The following PCDHGA5 variants were observed in gnomAD, a reference collection of about 807,000 sequenced individuals.
PCDHGA5 encodes protocadherin gamma subfamily A, 5.
In PCDHGA5, 36 loss-of-function variants were observed where a neutral mutation model predicts 56.7. The observed-to-expected ratio is 0.64, with a 90% CI of 0.49 to 0.84. The LOEUF is 0.84. PCDHGA5 is among the 40% of genes least tolerant of loss of function. PCDHGA5 has a pLI of 0.00. For synonymous variants in PCDHGA5, 563 were observed against 520.2 expected, an observed-to-expected ratio of 1.08 and a Z score of -1.12; for missense variants, 1,305 against 1,201.5, an observed-to-expected ratio of 1.09 and a Z score of -1.27.
In PCDHGA5 at chr5:141,477,967, C is replaced by T. The variant is rs756216038; in HGVS notation, c.2422-16840C>T. Reference sequence around the variant, plus strand: ...GTCTCTTGGGATCCCCTAACCAGAGCCTTTTTGCCATAGGGCTGCACACTG... The same window carrying T: ...GTCTCTTGGGATCCCCTAACCAGAGTCTTTTTGCCATAGGGCTGCACACTG... On this transcript the variant is annotated intron_variant, in intron 1 of 3. Coordinates refer to ENST00000518069, the MANE Select transcript of PCDHGA5 (RefSeq NM_018918.3). This position sits in a 1 kb window ranked among gnomAD's most constrained non-coding sequence, Gnocchi z 4.9. The T allele has an allele frequency of 8.7e-6, 14 of 1,614,032 alleles. No individual in the cohort carries two copies. In the South Asian group the frequency reaches 1.2e-4, roughly 14 times the overall value.
Position 141,511,212 on chromosome 5 carries a change from C to T in PCDHGA5, c.*39C>T. ...CCAAGAGCCACAGGGCGGCCTCTCC[C>T]CAACCAGCCCAGCTTCTCCTTACCT... is the stretch of plus-strand genomic sequence containing the variant. On this transcript the variant is annotated 3_prime_UTR_variant, in exon 4 of 4. Coordinates refer to ENST00000518069, the MANE Select transcript of PCDHGA5 (RefSeq NM_018918.3). 6.2e-7 allele frequency: 1 copy of T among 1,608,656 alleles called. No individual in the cohort carries two copies. Among genetic ancestry groups the T allele is most frequent in the Non-Finnish European group, 8.5e-7 (1 of 1,177,502 alleles).
intron 1 of PCDHGA5, among the ~76,000 whole-genome samples, chr5:141,448,007 AC>A (rs1430481139): frequency 1.3e-5 from 2 of 151,784 alleles, no homozygotes; most frequent in Non-Finnish European, 2.9e-5. Context: ...AATCGCTTGA[AC>A]CCAGGAGGTG....
intron 1 of PCDHGA5, among the ~76,000 whole-genome samples, chr5:141,426,066 A>T (rs1488003387): frequency 6.6e-6 from 1 of 152,196 alleles, no homozygotes; most frequent in Admixed American, 6.5e-5. Context: ...CAAGAACTGG[A>T]GCCTGGGATC....
At chr5:141,423,982 T>C in intron 1 of PCDHGA5, 3 of 1,106,134 alleles carry the variant, frequency 2.7e-6, no homozygotes, top group Non-Finnish European at 3.4e-6. Flanking sequence ...TGTATGAGGC[T>C]CTCAATTTAT....
intron 1 of PCDHGA5, among the ~76,000 whole-genome samples, chr5:141,373,541 T>A (rs1769670522): frequency 6.6e-6 from 1 of 152,216 alleles, no homozygotes. Context: ...TGTTTGTGGT[T>A]GTTGGTACCC....
Position 141,366,644 on chromosome 5 carries a change from C to A in PCDHGA5, c.2314C>A (p.Gln772Lys). 1.9e-6 allele frequency: 3 copies of A among 1,614,268 alleles called. No homozygotes were observed. The highest frequency in any genetic ancestry group is 2.5e-6 in the Non-Finnish European group (3 of 1,180,046). The change falls in exon 1 of 4, where the codon CAG becomes AAG. Residue 772 changes from glutamine to lysine, a missense_variant. By Grantham distance (53) the Gln-to-Lys change is moderately conservative (BLOSUM62 1). Coordinates refer to ENST00000518069, the MANE Select transcript of PCDHGA5 (RefSeq NM_018918.3). ...GAGGAAGAGTCACCTGATCTTTCCCCAGCCCAACTACGCAGACACGCTCCT... is the reference window on the plus strand; with the variant it reads ...GAGGAAGAGTCACCTGATCTTTCCCAAGCCCAACTACGCAGACACGCTCCT... Reference protein sequence around the residue: ...DSRKSHLIFPQPNYADTLLSE... With the variant: ...DSRKSHLIFPKPNYADTLLSE...
chr5:141,468,860 C>A (rs941902317), intron 1 of PCDHGA5, among the ~76,000 whole-genome samples: 16 of 151,980 alleles, frequency 1.1e-4, no homozygotes, highest in Admixed American at 4.6e-4. Context: ...AGCGAGACTC[C>A]ATCTCAAAAA....
At chr5:141,400,441 G>T (rs757449650) in intron 1 of PCDHGA5, 29 of 1,613,966 alleles carry the variant, frequency 1.8e-5, no homozygotes, top group Non-Finnish European at 2.1e-5. Flanking sequence ...ATTGAGTTCA[G>T]GACAAGACAT....
chr5:141,423,517 T>A (rs750915364), intron 1 of PCDHGA5: 1 of 1,613,834 alleles, frequency 6.2e-7, no homozygotes, highest in Admixed American at 1.7e-5. Context: ...CATTGCGGAC[T>A]CGCAGAAGAG....
At chr5:141,440,822 A>T (rs1561900737) in intron 1 of PCDHGA5, 2 of 152,058 alleles carry the variant, frequency 1.3e-5, no homozygotes, top group Non-Finnish European at 2.9e-5. Context: ...TCAACTCCTG[A>T]TCCTATTGGT....
chr5:141,431,921 G>C lies in PCDHGA5; in HGVS notation c.2422-62886G>C, dbSNP rs775520324. ...CGGACAGGTGATCTGTTTCATCCAA[G>C]GAAATCTGCCCTTTAAATTAGAAAA... On this transcript the variant is annotated intron_variant, in intron 1 of 3. Transcript: ENST00000518069. This position sits in a 1 kb window ranked among gnomAD's most constrained non-coding sequence, Gnocchi z 4.8. 8.7e-6 allele frequency: 14 copies of C among 1,614,024 alleles called. No individual in the cohort carries two copies. Among genetic ancestry groups the C allele is most frequent in the Non-Finnish European group, 1.2e-5 (14 of 1,179,998 alleles).
rs145718404 is a variant in PCDHGA5 at position 141,404,928 on chromosome 5, C to T, written c.2421+38177C>T. On this transcript the variant is annotated intron_variant, in intron 1 of 3. Transcript: ENST00000518069. ...CAGCCCCCTCTCTCGGCCACTGTCA[C>T]GCTCACAGTAGCCATAGCTGACAGC... The T allele has an allele frequency of 1.6e-4, 263 of 1,613,866 alleles. 1 individual carries two copies. In the African/African-American group the frequency reaches 2.2e-3, roughly 13 times the overall value.
At position 141,384,979 on chromosome 5, in the gene PCDHGA5, G is replaced by C. The variant is rs758247749; in HGVS notation, c.2421+18228G>C. 1.4e-4 allele frequency: 229 copies of C among 1,614,146 alleles called. 1 individual carries two copies. The highest frequency in any genetic ancestry group is 1.5e-5 in the Non-Finnish European group (18 of 1,180,036). On this transcript the variant is annotated intron_variant, in intron 1 of 3. Coordinates refer to ENST00000518069, the MANE Select transcript of PCDHGA5 (RefSeq NM_018918.3). ...CAACTATGACCTCACGTTGTACCTG[G>C]TGGTGGCGGTGGCCACAGTCTCCTG...
At chr5:141,448,999 GT>G (rs910018882) in intron 1 of PCDHGA5, among the ~76,000 whole-genome samples, 2 of 151,816 alleles carry the variant, frequency 1.3e-5, no homozygotes, top group African/African-American at 4.8e-5. Context: ...ATAGAAAGCT[GT>G]TTTTTTTAAC....
In PCDHGA5 at chr5:141,485,961, A is replaced by C. The variant is rs766687554; in HGVS notation, c.2422-8846A>C. ...GCACCAGCGGGCATGGTGCTCATCC[A>C]GCTCAATGCCTCAGACCCGGACCTG... On this transcript the variant is annotated intron_variant, in intron 1 of 3. Coordinates refer to ENST00000518069, the MANE Select transcript of PCDHGA5 (RefSeq NM_018918.3). The surrounding 1 kb of genome is among the most constrained non-coding windows in gnomAD (Gnocchi z 5.7). 6.2e-7 allele frequency: 1 copy of C among 1,614,204 alleles called. No homozygotes were observed. The highest frequency in any genetic ancestry group is 1.1e-5 in the South Asian group (1 of 91,090).
intron 1 of PCDHGA5, chr5:141,415,551 C>A (rs745641887): frequency 5.6e-6 from 9 of 1,614,014 alleles, no homozygotes; most frequent in Non-Finnish European, 7.6e-6. Context: ...GTGAGAAAAA[C>A]GATCCTTTGT....
chr5:141,461,303 G>T (rs1390421489), intron 1 of PCDHGA5, among the ~76,000 whole-genome samples: 2 of 152,074 alleles, frequency 1.3e-5, no homozygotes, highest in Non-Finnish European at 2.9e-5. Flanking sequence ...AACATCTATT[G>T]TTTTTTGACT....
Position 141,422,887 on chromosome 5 carries a change from C to G in PCDHGA5, c.2421+56136C>G, listed in dbSNP as rs2154549815. ...CAACGTGTCGCTGAGCCTGTTCGTG[C>G]TGGACCAGAACGACAATGCGCCCGA... On this transcript the variant is annotated intron_variant, in intron 1 of 3. Coordinates refer to ENST00000518069, the MANE Select transcript of PCDHGA5 (RefSeq NM_018918.3). The G allele has an allele frequency of 2.5e-6, 4 of 1,614,264 alleles. No homozygotes were observed. In the Middle Eastern group the frequency reaches 4.9e-4, roughly 200 times the overall value.
At chr5:141,473,236 A>G (rs1314160781) in intron 1 of PCDHGA5, among the ~76,000 whole-genome samples, 1 of 152,200 alleles carries the variant, frequency 6.6e-6, no homozygotes, top group Non-Finnish European at 1.5e-5. Flanking sequence ...GGATCCACAC[A>G]AGTGAATACA....
Sources: gnomAD v4.1 joint callset for allele counts (sites outside exome capture counted in the v4.1 genomes callset) on GRCh38, gnomAD v4.1.1 for gene constraint, Gnocchi (gnomAD v3.1) non-coding constraint, MANE v1.5 for transcripts, NCBI Gene and HGNC (gene_info 2026-07-23, HGNC 2026-07-21) for gene names.